ERBB4: variants seen among roughly 807,000 people sequenced by gnomAD.
ERBB4 encodes the protein erb-b2 receptor tyrosine kinase 4, also known as receptor tyrosine-protein kinase erbB-4.
A neutral mutation model predicts 158.0 loss-of-function variants in ERBB4; 42 were observed. The observed-to-expected ratio is 0.27, with a 90% CI of 0.21 to 0.34. The LOEUF is 0.34. Among genes scored for constraint, ERBB4 ranks in the 10% least tolerant of loss-of-function variants. The probability of loss-of-function intolerance (pLI) is 1.00; values close to 1 mark genes in which losing one functional copy is unlikely to be tolerated. For missense variants in ERBB4, 1,333 were observed against 1,624.1 expected (o/e 0.82, Z 3.08); for synonymous variants, 583 against 558.7 (o/e 1.04, Z -0.61).
intron 5 of ERBB4, among the ~76,000 whole-genome samples, chr2:211,743,840 C>T (rs2074874786): frequency 6.6e-6 from 1 of 152,186 alleles, no homozygotes; most frequent in South Asian, 2.1e-4. Context: ...CACTGCTCCA[C>T]ATGTAACGTA....
intron 7 of ERBB4, among the ~76,000 whole-genome samples, chr2:211,718,257 G>A (rs1045911959): frequency 6.6e-6 from 1 of 152,106 alleles, no homozygotes; most frequent in East Asian, 1.9e-4. Context: ...AGAAAAAATA[G>A]AGAACAAAAG....
intron 1 of ERBB4, among the ~76,000 whole-genome samples, chr2:212,508,440 T>C (rs954919640): frequency 1.3e-5 from 2 of 152,196 alleles, no homozygotes; most frequent in African/African-American, 4.8e-5. Context: ...TGTTATAATT[T>C]AGAGGTCACA....
chr2:211,408,399 A>T (rs1458406915), intron 25 of ERBB4, among the ~76,000 whole-genome samples: 1 of 152,182 alleles, frequency 6.6e-6, no homozygotes, highest in Non-Finnish European at 1.5e-5. Context: ...GTCCTTTTCC[A>T]GCTCTGATTT....
intron 1 of ERBB4, among the ~76,000 whole-genome samples, chr2:212,329,808 C>T (rs2088044893): frequency 6.6e-6 from 1 of 152,066 alleles, no homozygotes; most frequent in African/African-American, 2.4e-5. Flanking sequence ...TTGAATCTAA[C>T]CCAATCAGAA....
intron 9 of ERBB4, among the ~76,000 whole-genome samples, chr2:211,709,272 T>TATATATATATAC (rs1216222413): frequency 7.1e-6 from 1 of 141,086 alleles, no homozygotes; most frequent in African/African-American, 2.8e-5. Context: ...TATATATATA[T>TATATATATATAC]ATACATACAT....
chr2:212,420,942 A>T (rs1314689905), intron 1 of ERBB4, among the ~76,000 whole-genome samples: 1 of 152,146 alleles, frequency 6.6e-6, no homozygotes, highest in Non-Finnish European at 1.5e-5. Context: ...TTTTGTTTTT[A>T]GGAATCTTTT....
intron 1 of ERBB4, among the ~76,000 whole-genome samples, chr2:212,423,430 G>C (rs916557603): frequency 6.6e-6 from 1 of 152,182 alleles, no homozygotes; most frequent in African/African-American, 2.4e-5. Flanking sequence ...GTAATGTCAA[G>C]AGTTGGTAAC....
chr2:212,340,360 C>T (rs772693711), intron 1 of ERBB4, among the ~76,000 whole-genome samples: 4 of 152,080 alleles, frequency 2.6e-5, no homozygotes, highest in African/African-American at 4.8e-5. Flanking sequence ...ATGAGTTAAG[C>T]GCATTACAGA....
intron 3 of ERBB4, among the ~76,000 whole-genome samples, chr2:211,820,338 A>C (rs1351723240): frequency 6.6e-6 from 1 of 151,792 alleles, no homozygotes; most frequent in African/African-American, 2.4e-5. Context: ...CTAGAGGAAA[A>C]GAATAAATTT....
chr2:211,681,761 C>A (rs2072343206), intron 12 of ERBB4, among the ~76,000 whole-genome samples: 1 of 151,960 alleles, frequency 6.6e-6, no homozygotes, highest in Non-Finnish European at 1.5e-5. Context: ...CAACTATTTT[C>A]TCCCAATTTT....
chr2:212,344,108 G>A (rs2088857087), intron 1 of ERBB4, among the ~76,000 whole-genome samples: 2 of 152,092 alleles, frequency 1.3e-5, no homozygotes, highest in Admixed American at 1.3e-4. Flanking sequence ...TATAGATGGG[G>A]CCACCAAACA....
chr2:212,455,929 AAATG>A (rs1688268182), intron 1 of ERBB4, among the ~76,000 whole-genome samples: 1 of 152,156 alleles, frequency 6.6e-6, no homozygotes, highest in Non-Finnish European at 1.5e-5. Context: ...GCAGAAAAAT[AAATG>A]ATCATCCCTG....
Position 211,569,722 on chromosome 2 carries a change from C to T in ERBB4, c.2302-7634G>A, listed in dbSNP as rs558302805. On this transcript the variant is annotated intron_variant, in intron 19 of 27. Transcript: ENST00000342788. ...GCATATTTTGGAAGGTCTGAGAAGG[C>T]TCATGTGCTTGGAATTTAGCAAGGG... Among the ~76,000 whole-genome samples, 11 of 152,228 alleles carry T rather than the reference C, an allele frequency of 7.2e-5. No individual in the cohort carries two copies. In the East Asian group the frequency reaches 2.1e-3, roughly 29 times the overall value.
At chr2:212,135,392 C>G (rs2080241425) in intron 1 of ERBB4, among the ~76,000 whole-genome samples, 1 of 151,990 alleles carries the variant, frequency 6.6e-6, no homozygotes, top group African/African-American at 2.4e-5. Context: ...AATTTTTGTA[C>G]TTTGTATTTC....
intron 2 of ERBB4, among the ~76,000 whole-genome samples, chr2:212,121,609 G>T (rs113007907): frequency 3.3e-5 from 5 of 152,320 alleles, no homozygotes; most frequent in African/African-American, 9.6e-5. Flanking sequence ...CTTGGATGCT[G>T]ATGTCTCCTA....
chr2:211,946,937 T>C (rs911817041), intron 3 of ERBB4, among the ~76,000 whole-genome samples: 1 of 152,088 alleles, frequency 6.6e-6, no homozygotes, highest in Non-Finnish European at 1.5e-5. Context: ...TGAGAAAGAA[T>C]TGCTGATGGG....
rs1356034595 is a variant in ERBB4 at position 212,538,743 on chromosome 2, C to T, written c.-213G>A. The stretch of plus-strand genomic sequence containing the variant: ...CCCGAGGAGGGGGCGAGTGTGAGCG[C>T]GTGTGTGCGCGTGTGGGAGTGTGCT... On this transcript the variant is annotated 5_prime_UTR_variant, in exon 1 of 28. Coordinates refer to ENST00000342788, the MANE Select transcript of ERBB4 (RefSeq NM_005235.3). 1.3e-5 allele frequency: 5 copies of T among 398,020 alleles called. No homozygotes were observed. Among genetic ancestry groups the T allele is most frequent in the Admixed American group, 9.5e-5 (2 of 21,072 alleles). 24.7% of individuals were successfully genotyped at this position (398,020 alleles called of 1,614,324 possible). A position where few individuals can be genotyped will look rare whatever the true frequency, so the allele number is the denominator to read the frequency against.
chr2:212,497,496 G>C (rs1032155962), intron 1 of ERBB4, among the ~76,000 whole-genome samples: 1 of 152,156 alleles, frequency 6.6e-6, no homozygotes, highest in Non-Finnish European at 1.5e-5. Flanking sequence ...TAGGCAATGT[G>C]AATAGTATTG....
intron 1 of ERBB4, among the ~76,000 whole-genome samples, chr2:212,378,832 A>C (rs934592033): frequency 1.3e-5 from 2 of 151,846 alleles, no homozygotes; most frequent in African/African-American, 4.8e-5. Flanking sequence ...ACAGACATGC[A>C]GTAGTAGGCA....
Sources: gnomAD v4.1 joint callset for allele counts (sites outside exome capture counted in the v4.1 genomes callset) on GRCh38, gnomAD v4.1.1 for gene constraint, MANE v1.5 for transcripts, NCBI Gene and HGNC (gene_info 2026-07-23, HGNC 2026-07-21) for gene names.